The following FMN2 variants were observed in gnomAD, a reference collection of about 807,000 sequenced individuals.
The protein encoded by FMN2 is formin-2.
Under a neutral mutation model 142.3 loss-of-function variants are expected in FMN2, and 51 were observed. That is an observed-to-expected ratio of 0.36 (90% CI 0.29 to 0.45). The LOEUF (loss-of-function observed/expected upper bound fraction) is 0.45. FMN2 is among the 20% of genes least tolerant of loss of function. FMN2 has a pLI of 1.00. For synonymous variants in FMN2, 882 were observed against 869.8 expected (o/e 1.01, Z -0.25); for missense variants, 1,936 against 2,122.8 (o/e 0.91, Z 1.73).
At chr1:240,177,900 A>T (rs774423627) in intron 2 of FMN2, 21 bp from the exon 3 acceptor site, 2 of 1,535,338 alleles carry the variant, frequency 1.3e-6, no homozygotes, top group South Asian at 1.3e-5. Flanking sequence ...GCATTTCAAC[A>T]TTTTTTATTT....
chr1:240,330,753 A>T lies in FMN2; in HGVS notation c.4584+4A>T. On this transcript the variant is annotated splice_donor_region_variant and intron_variant, in intron 11 of 17. Coordinates refer to ENST00000319653, the MANE Select transcript of FMN2 (RefSeq NM_020066.5). ...ACTGAAAGATGTCAAGAGCAGTGTA[A>T]GTATTTTGCATGAGTGGACGTAAGC... The T allele has an allele frequency of 3.1e-6, 5 of 1,613,396 alleles. No individual in the cohort carries two copies. The highest frequency in any genetic ancestry group is 4.2e-6 in the Non-Finnish European group (5 of 1,179,700).
At chr1:240,231,858 G>T (rs562275974) in intron 6 of FMN2, among the ~76,000 whole-genome samples, 1 of 152,282 alleles carries the variant, frequency 6.6e-6, no homozygotes, top group East Asian at 1.9e-4. Flanking sequence ...ATCATCCTCT[G>T]AGTTTATCCC....
Position 240,475,162 on chromosome 1 carries a change from A to G in FMN2, c.*1008A>G, listed in dbSNP as rs911016798. 2.0e-5 allele frequency: 3 copies of G among 152,596 alleles called. No homozygotes were observed. Among genetic ancestry groups the G allele is most frequent in the Non-Finnish European group, 4.4e-5 (3 of 68,028 alleles). The allele number at this position is 152,596 out of a possible 1,614,324, so 9.5% of individuals were successfully genotyped here. A position where few individuals can be genotyped will look rare whatever the true frequency, so the allele number is the denominator to read the frequency against. ...AATTTATATGAAAATAAAATGAATA[A>G]TAAAAGAATAAAGATACTTGCAAAA... On this transcript the variant is annotated 3_prime_UTR_variant, in exon 18 of 18. Transcript: ENST00000319653.
rs191253930 is a variant in FMN2, at chr1:240,208,142, G to A, written c.3330G>A (p.Pro1110=). The A allele has an allele frequency of 2.8e-3, 2,632 of 944,294 alleles. 31 individuals carry two copies. The highest frequency in any genetic ancestry group is 2.8e-3 in the Non-Finnish European group (1,929 of 697,636). The allele number at this position is 944,294 out of a possible 1,614,324, so 58.5% of individuals were successfully genotyped here. ...TACCCGGAGTGGGCATACCTCCTCC[G>A]CCCCCTCTACCCGGAGCGGGCATAC... ...PPLPGVGIPP[P]PPLPGAGIPP... Residue 1110 remains proline, a synonymous_variant, in exon 5 of 18, where the codon CCG becomes CCA. Transcript: ENST00000319653.
chr1:240,279,043 G>A (rs191986050), intron 7 of FMN2, among the ~76,000 whole-genome samples: 105 of 152,298 alleles, frequency 6.9e-4, no homozygotes, highest in African/African-American at 2.5e-3. Flanking sequence ...TAGTTGGGCA[G>A]TGGGGGAAGA....
chr1:240,405,630 AAAAG>A (rs1199258682), intron 15 of FMN2, among the ~76,000 whole-genome samples: 1 of 152,186 alleles, frequency 6.6e-6, no homozygotes, highest in Non-Finnish European at 1.5e-5. Flanking sequence ...AAAAAAAAAA[AAAAG>A]AATGTGTTTA....
At chr1:240,289,650 A>G (rs1274731223) in intron 7 of FMN2, among the ~76,000 whole-genome samples, 2 of 152,128 alleles carry the variant, frequency 1.3e-5, no homozygotes, top group African/African-American at 4.8e-5. Flanking sequence ...ACTGCACCCT[A>G]GCATGGGTGA....
chr1:240,283,384 G>A (rs1340420871), intron 7 of FMN2, among the ~76,000 whole-genome samples: 2 of 152,094 alleles, frequency 1.3e-5, no homozygotes, highest in Non-Finnish European at 2.9e-5. Flanking sequence ...TTTGCAGCAG[G>A]GATTTTTGCC....
chr1:240,395,017 A>G (rs1316632437), intron 15 of FMN2, among the ~76,000 whole-genome samples: 1 of 152,202 alleles, frequency 6.6e-6, no homozygotes, highest in African/African-American at 2.4e-5. Context: ...TTCAGAAAAC[A>G]GGATGACTGT....
chr1:240,117,561 C>A (rs182476561), intron 1 of FMN2, among the ~76,000 whole-genome samples: 1 of 152,122 alleles, frequency 6.6e-6, no homozygotes, highest in South Asian at 2.1e-4. Context: ...GAATTTAAGC[C>A]GCTGCGGAAG....
In FMN2 at chr1:240,208,685, A is replaced by C. The variant is rs1178467595; in HGVS notation, c.3873A>C (p.Arg1291=). ...GGAAGCAGCCCATAGAGCCTTGTCG[A>C]CCAATGAAGCCTCTTTACTGGACCA... ...GSRKQPIEPC[R]PMKPLYWTRI... The change falls in exon 5 of 18, where the codon CGA becomes CGC. Residue 1291 remains arginine (R), a synonymous_variant. Coordinates refer to ENST00000319653, the MANE Select transcript of FMN2 (RefSeq NM_020066.5). 6.2e-7 allele frequency: 1 copy of C among 1,613,782 alleles called. No homozygotes were observed. The highest frequency in any genetic ancestry group is 1.7e-5 in the Admixed American group (1 of 60,024).
chr1:240,266,907 T>C (rs1183400601), intron 7 of FMN2, among the ~76,000 whole-genome samples: 1 of 152,102 alleles, frequency 6.6e-6, no homozygotes, highest in African/African-American at 2.4e-5. Flanking sequence ...AGAATGAAAC[T>C]GGACCCCCAA....
At chr1:240,195,235 G>C (rs1049408448) in intron 4 of FMN2, among the ~76,000 whole-genome samples, 2 of 152,186 alleles carry the variant, frequency 1.3e-5, no homozygotes, top group African/African-American at 2.4e-5. Context: ...GTTGCTTGAC[G>C]TGGACTTTCC....
chr1:240,330,689 A>G lies in FMN2; in HGVS notation c.4524A>G (p.Arg1508=). The G allele has an allele frequency of 6.2e-7, 1 of 1,614,058 alleles. No homozygotes were observed. The highest frequency in any genetic ancestry group is 8.5e-7 in the Non-Finnish European group (1 of 1,179,954). The change falls in exon 11 of 18, where the codon CGA becomes CGG. Residue 1508 remains arginine, a synonymous_variant. Transcript: ENST00000319653. ...ACATGAATGGAGGAAATAAGACTCG[A>G]GGACAGGCAGATGGCTTTGGATTAG... ...GNYMNGGNKT[R]GQADGFGLDI...
chr1:240,330,713 A>G lies in FMN2; in HGVS notation c.4548A>G (p.Leu1516=), dbSNP rs1671346947. The G allele has an allele frequency of 6.2e-7, 1 of 1,614,036 alleles. No homozygotes were observed. Among genetic ancestry groups the G allele is most frequent in the South Asian group, 1.1e-5 (1 of 91,082 alleles). The change falls in exon 11 of 18, where the codon TTA becomes TTG. Residue 1516 remains leucine (L), a synonymous_variant. Transcript: ENST00000319653. ...KTRGQADGFG[L]DILPKLKDVK... ...GAGGACAGGCAGATGGCTTTGGATT[A>G]GACATTCTTCCAAAACTGAAAGATG...
chr1:240,194,400 G>A (rs1665835483), intron 4 of FMN2, among the ~76,000 whole-genome samples: 2 of 152,278 alleles, frequency 1.3e-5, no homozygotes, highest in East Asian at 1.9e-4. Flanking sequence ...TATATCAGTG[G>A]CAACTATTGC....
chr1:240,120,453 C>A lies in FMN2; in HGVS notation c.1616-2726C>A, dbSNP rs147332814. Among the ~76,000 whole-genome samples the A allele has an allele frequency of 5.9e-4, 90 of 152,250 alleles. No homozygotes were observed. In the East Asian group the frequency reaches 0.017, roughly 29 times the overall value. On this transcript the variant is annotated intron_variant, in intron 1 of 17. Coordinates refer to ENST00000319653, the MANE Select transcript of FMN2 (RefSeq NM_020066.5). Reference sequence around the variant, plus strand: ...GATGGTATAGACTGATAAATCATTTCCAGTTCTGACTATGATATGAATGAA... The same window carrying A: ...GATGGTATAGACTGATAAATCATTTACAGTTCTGACTATGATATGAATGAA...
At chr1:240,146,827 T>C (rs1246756968) in intron 2 of FMN2, among the ~76,000 whole-genome samples, 1 of 152,226 alleles carries the variant, frequency 6.6e-6, no homozygotes, top group Non-Finnish European at 1.5e-5. Context: ...ACCAATCTAG[T>C]ATCATTATTG....
At chr1:240,142,842 T>G (rs1028193098) in intron 2 of FMN2, 47 of 1,587,302 alleles carry the variant, frequency 3.0e-5, no homozygotes, top group Non-Finnish European at 3.7e-5. Context: ...GCCCACCACA[T>G]CCACTGCCTG....
Sources: allele counts gnomAD v4.1 joint callset (sites outside exome capture counted in the v4.1 genomes callset), GRCh38; gene constraint gnomAD v4.1.1; transcripts MANE v1.5; gene names NCBI Gene and HGNC (gene_info 2026-07-23, HGNC 2026-07-21).